LRRTM3: variants seen among roughly 807,000 people sequenced by gnomAD.
LRRTM3 encodes leucine-rich repeat transmembrane neuronal protein 3.
Under a neutral mutation model 44.7 loss-of-function variants are expected in LRRTM3, and 24 were observed. The observed-to-expected ratio is 0.54, with a 90% CI of 0.39 to 0.76. The LOEUF (loss-of-function observed/expected upper bound fraction) is 0.76, where lower values mean the gene tolerates loss of function less well. Among genes scored for constraint, LRRTM3 ranks in the 30% least tolerant of loss-of-function variants. The pLI, the probability that LRRTM3 is intolerant of heterozygous loss-of-function variation, is 0.00. For missense variants in LRRTM3, 587 were observed against 702.2 expected (o/e 0.84, Z 1.85); for synonymous variants, 277 against 278.7 (o/e 0.99, Z 0.06).
At chr10:66,953,110 T>G (rs1848622983) in intron 2 of LRRTM3, among the ~76,000 whole-genome samples, 1 of 152,144 alleles carries the variant, frequency 6.6e-6, no homozygotes, top group Non-Finnish European at 1.5e-5. Flanking sequence ...AAGTTTCTAT[T>G]CAGGTCTGAC....
intron 2 of LRRTM3, among the ~76,000 whole-genome samples, chr10:67,077,115 A>C (rs1252389831): frequency 2.6e-5 from 4 of 152,068 alleles, no homozygotes; most frequent in Non-Finnish European, 5.9e-5. Flanking sequence ...TCACTCCTGA[A>C]ACCTGCTAAA....
Position 66,927,165 on chromosome 10 carries a change from G to T in LRRTM3, c.249G>T (p.Gly83=). The T allele has an allele frequency of 6.2e-7, 1 of 1,614,028 alleles. No homozygotes were observed. The highest frequency in any genetic ancestry group is 8.5e-7 in the Non-Finnish European group (1 of 1,179,994). ...LQKLKYNQFK[G]LNQLTWLYLD... is the part of the protein sequence containing the mutation. ...AACTTAAGTATAATCAATTTAAAGG[G>T]CTCAACCAGCTCACCTGGCTATACC... Residue 83 remains glycine (G), a synonymous_variant, in exon 2 of 3, where the codon GGG becomes GGT. Coordinates refer to ENST00000361320, the MANE Select transcript of LRRTM3 (RefSeq NM_178011.5). This position sits in a 1 kb window ranked among gnomAD's most constrained non-coding sequence, Gnocchi z 4.7.
chr10:66,998,876 C>G lies in LRRTM3; in HGVS notation c.1536+70424C>G, dbSNP rs147030233. On this transcript the variant is annotated intron_variant, in intron 2 of 2. Coordinates refer to ENST00000361320, the MANE Select transcript of LRRTM3 (RefSeq NM_178011.5). ...TTTGTTCCAATGGCTATATGTAAAACCATGGACCCTACAATTAGAGAACAC... is the reference window on the plus strand; with the variant it reads ...TTTGTTCCAATGGCTATATGTAAAAGCATGGACCCTACAATTAGAGAACAC... 5.3e-3 allele frequency among the ~76,000 whole-genome samples: 801 copies of G among 152,134 alleles called. 2 individuals carry two copies. Among genetic ancestry groups the G allele is most frequent in the African/African-American group, 0.018 (763 of 41,526 alleles).
intron 2 of LRRTM3, among the ~76,000 whole-genome samples, chr10:67,088,805 C>A (rs900538828): frequency 2.6e-5 from 4 of 151,992 alleles, no homozygotes; most frequent in African/African-American, 7.2e-5. Flanking sequence ...TGAAAATCTG[C>A]AAATTTATAT....
chr10:66,970,737 CAGGCA>C (rs1425982063), intron 2 of LRRTM3, among the ~76,000 whole-genome samples: 1 of 152,086 alleles, frequency 6.6e-6, no homozygotes, highest in Non-Finnish European at 1.5e-5. Flanking sequence ...TCCTTATCTC[CAGGCA>C]GAACTATTTC....
chr10:67,071,041 G>A (rs940454045), intron 2 of LRRTM3, among the ~76,000 whole-genome samples: 3 of 152,078 alleles, frequency 2.0e-5, no homozygotes, highest in Admixed American at 1.3e-4. Flanking sequence ...GCTAAACCTA[G>A]AAGTTTTAAA....
intron 2 of LRRTM3, among the ~76,000 whole-genome samples, chr10:67,064,974 A>C (rs1167759081): frequency 6.6e-6 from 1 of 152,144 alleles, no homozygotes; most frequent in Non-Finnish European, 1.5e-5. Context: ...CCCTCCTTGG[A>C]GTTATAAAAG....
chr10:66,942,458 A>T (rs1031298644), intron 2 of LRRTM3, among the ~76,000 whole-genome samples: 3 of 152,116 alleles, frequency 2.0e-5, no homozygotes, highest in Non-Finnish European at 4.4e-5. Flanking sequence ...TGTTTCTTCT[A>T]GTAATTCAAC....
rs540983765 is a variant in LRRTM3, at chr10:66,978,177, C to T, written c.1536+49725C>T. Among the ~76,000 whole-genome samples the T allele has an allele frequency of 2.6e-5, 4 of 151,790 alleles. No individual in the cohort carries two copies. The South Asian group carries it at 8.3e-4, about 32-fold the overall frequency. On this transcript the variant is annotated intron_variant, in intron 2 of 2. Coordinates refer to ENST00000361320, the MANE Select transcript of LRRTM3 (RefSeq NM_178011.5). ...CAATAGGTATAAAATTTCAGTTATG[C>T]AAGATGAATAAGTTCTAGAGATCTG...
At chr10:67,004,601 T>C (rs1257434841) in intron 2 of LRRTM3, among the ~76,000 whole-genome samples, 1 of 152,196 alleles carries the variant, frequency 6.6e-6, no homozygotes, top group East Asian at 1.9e-4. Flanking sequence ...TCCGTTCTAA[T>C]AGAGGACTAC....
intron 2 of LRRTM3, among the ~76,000 whole-genome samples, chr10:66,960,907 A>T (rs1390395922): frequency 1.3e-5 from 2 of 152,176 alleles, no homozygotes; most frequent in African/African-American, 2.4e-5. Context: ...CTAAAATGGG[A>T]ATGGTTCTTA....
chr10:66,957,555 G>A (rs1176866804), intron 2 of LRRTM3, among the ~76,000 whole-genome samples: 1 of 151,336 alleles, frequency 6.6e-6, no homozygotes, highest in Non-Finnish European at 1.5e-5. Context: ...AGAGTCCTGG[G>A]TCCCAGTCCC....
At chr10:66,989,050 T>C (rs903105018) in intron 2 of LRRTM3, among the ~76,000 whole-genome samples, 10 of 152,150 alleles carry the variant, frequency 6.6e-5, no homozygotes, top group Admixed American at 5.9e-4. Context: ...TCGTTACCTC[T>C]CATAGCAAGA....
intron 2 of LRRTM3, among the ~76,000 whole-genome samples, chr10:67,040,863 C>A (rs1230252265): frequency 6.6e-6 from 1 of 152,078 alleles, no homozygotes; most frequent in African/African-American, 2.4e-5. Flanking sequence ...TTTCATTGAA[C>A]AACTATGACA....
intron 2 of LRRTM3, among the ~76,000 whole-genome samples, chr10:66,950,941 C>G (rs957115590): frequency 6.6e-6 from 1 of 152,070 alleles, no homozygotes; most frequent in African/African-American, 2.4e-5. Context: ...GATTCAGCAC[C>G]TCTCTTGTCA....
intron 2 of LRRTM3, among the ~76,000 whole-genome samples, chr10:67,033,968 C>G (rs1853888171): frequency 1.3e-5 from 2 of 152,080 alleles, no homozygotes; most frequent in South Asian, 4.1e-4. Context: ...GACCAGGTTT[C>G]CCCATGTTGG....
At chr10:66,976,382 T>G (rs1156521059) in intron 2 of LRRTM3, among the ~76,000 whole-genome samples, 1 of 152,104 alleles carries the variant, frequency 6.6e-6, no homozygotes, top group Non-Finnish European at 1.5e-5. Context: ...AAGAAAAACA[T>G]GTCAAACATC....
intron 2 of LRRTM3, among the ~76,000 whole-genome samples, chr10:67,093,283 CTG>C (rs1203581672): frequency 5.9e-5 from 9 of 152,006 alleles, no homozygotes; most frequent in African/African-American, 2.2e-4. Flanking sequence ...CTTAGGGTAA[CTG>C]TTTATTTTAT....
At chr10:67,064,476 A>G (rs1339696689) in intron 2 of LRRTM3, among the ~76,000 whole-genome samples, 1 of 152,196 alleles carries the variant, frequency 6.6e-6, no homozygotes, top group Non-Finnish European at 1.5e-5. Context: ...AAGGATGTTT[A>G]AGTTCACAAT....
Sources: gnomAD v4.1 joint callset for allele counts (sites outside exome capture counted in the v4.1 genomes callset) on GRCh38, gnomAD v4.1.1 for gene constraint, Gnocchi (gnomAD v3.1) non-coding constraint, MANE v1.5 for transcripts, NCBI Gene and HGNC (gene_info 2026-07-23, HGNC 2026-07-21) for gene names.